GSN: variants seen among roughly 807,000 people sequenced by gnomAD.
GSN encodes the protein gelsolin.
A neutral mutation model predicts 85.7 loss-of-function variants in GSN; 56 were observed. That is an observed-to-expected ratio of 0.65 (90% CI 0.53 to 0.82). GSN has a LOEUF of 0.82. GSN is among the 40% of genes least tolerant of loss of function. The probability of loss-of-function intolerance (pLI) is 0.00; values close to 1 mark genes in which losing one functional copy is unlikely to be tolerated. For synonymous variants in GSN, 373 were observed against 399.1 expected (o/e 0.93, Z 0.78); for missense variants, 857 against 979.8 (o/e 0.87, Z 1.67).
chr9:121,229,087 T>C (rs964824762), intron 4 of GSN, among the ~76,000 whole-genome samples: 1 of 152,160 alleles, frequency 6.6e-6, no homozygotes, highest in African/African-American at 2.4e-5. Context: ...GCCTGATATA[T>C]CCTTTATAGC....
chr9:121,290,920 TC>T (rs1470880121), intron 2 of GSN, among the ~76,000 whole-genome samples: 1 of 152,094 alleles, frequency 6.6e-6, no homozygotes, highest in Non-Finnish European at 1.5e-5. Context: ...CAAGTGATCC[TC>T]CCTCCTCAGC....
At chr9:121,328,335 C>T (rs1015016837) in intron 14 of GSN, among the ~76,000 whole-genome samples, 12 of 152,296 alleles carry the variant, frequency 7.9e-5, no homozygotes, top group East Asian at 7.7e-4. Flanking sequence ...CTGTATCTGC[C>T]GAGTCCAATT....
At chr9:121,282,595 G>T (rs1308422942) in intron 2 of GSN, 1 of 1,026,804 alleles carries the variant, frequency 9.7e-7, no homozygotes, top group Non-Finnish European at 1.3e-6. Context: ...TGCCCCAAAA[G>T]CCAGGGATTC....
intron 4 of GSN, among the ~76,000 whole-genome samples, chr9:121,218,281 ACATGCTG>A (rs2054104253): frequency 6.6e-6 from 1 of 152,216 alleles, no homozygotes; most frequent in African/African-American, 2.4e-5. Flanking sequence ...TTTTGGGTGC[ACATGCTG>A]TGGTGGACCA....
At chr9:121,287,150 A>G (rs775586170) in intron 2 of GSN, among the ~76,000 whole-genome samples, 1 of 152,032 alleles carries the variant, frequency 6.6e-6, no homozygotes, top group Non-Finnish European at 1.5e-5. Context: ...CAGATCAGGG[A>G]AAGCTTTGTT....
rs1350590986 is a variant in GSN, at chr9:121,241,520, G to A, written c.-388-6756G>A. ...GGGGCAGGTAATGTAACCTCTTCGG[G>A]CCTTAGTTTTTTCTCTTGTGAAGAG... On this transcript the variant is annotated intron_variant, in intron 5 of 24. Transcript: ENST00000373823. Among the ~76,000 whole-genome samples, 4 of 152,298 alleles carry A rather than the reference G, an allele frequency of 2.6e-5. No homozygotes were observed. In the East Asian group the frequency reaches 7.7e-4, roughly 29 times the overall value.
chr9:121,208,012 C>T (rs189306763), intron 1 of GSN: 10 of 151,812 alleles, frequency 6.6e-5, no homozygotes, highest in African/African-American at 2.4e-4. Context: ...GTCTTGAACT[C>T]TTGAGCTCAA....
intron 2 of GSN, among the ~76,000 whole-genome samples, chr9:121,291,312 T>C (rs1346709062): frequency 6.6e-6 from 1 of 152,036 alleles, no homozygotes; most frequent in East Asian, 1.9e-4. Flanking sequence ...TATATATTGG[T>C]GTACAGCATC....
Position 121,318,638 on chromosome 9 carries a change from TC to T in GSN, c.976-25del. On this transcript the variant is annotated intron_variant, in intron 9 of 17. Transcript: ENST00000432226. The surrounding 1 kb of genome is among the most constrained non-coding windows in gnomAD (Gnocchi z 4.3). Reference sequence around the variant, plus strand: ...ACCCCTGCTGGGCAGCCCAGCCACATCCTGCTCCTCTGCCTCCCCTCCCCAG... The same window carrying T: ...ACCCCTGCTGGGCAGCCCAGCCACATCTGCTCCTCTGCCTCCCCTCCCCAG... 1 of 1,577,078 alleles carries T rather than the reference TC, an allele frequency of 6.3e-7. No homozygotes were observed. Among genetic ancestry groups the T allele is most frequent in the Non-Finnish European group, 8.7e-7 (1 of 1,146,390 alleles).
At chr9:121,297,598 G>A (rs1682280210) in intron 2 of GSN, among the ~76,000 whole-genome samples, 1 of 152,182 alleles carries the variant, frequency 6.6e-6, no homozygotes, top group Non-Finnish European at 1.5e-5. Flanking sequence ...AAAAGGAGAA[G>A]AGGAGATATA....
intron 4 of GSN, among the ~76,000 whole-genome samples, chr9:121,307,191 G>T (rs113145613): frequency 6.6e-6 from 1 of 151,808 alleles, no homozygotes; most frequent in Non-Finnish European, 1.5e-5. Context: ...AAAAAAAAAA[G>T]AATTATTTTA....
At chr9:121,238,843 C>T (rs1365193820) in intron 5 of GSN, 1 of 530,316 alleles carries the variant, frequency 1.9e-6, no homozygotes. Flanking sequence ...TCTCCAACTA[C>T]AGCAATCATG....
intron 1 of GSN, among the ~76,000 whole-genome samples, chr9:121,273,967 A>T (rs10985198): frequency 0.036 from 5,491 of 152,282 alleles, 297 homozygotes; most frequent in Admixed American, 0.14. Flanking sequence ...TAATGTTTAT[A>T]ATCTTGGGTA....
chr9:121,294,799 C>T (rs752205693), intron 2 of GSN, among the ~76,000 whole-genome samples: 1 of 152,206 alleles, frequency 6.6e-6, no homozygotes, highest in Non-Finnish European at 1.5e-5. Context: ...CTTTGTGACC[C>T]TGAAAAGTCA....
chr9:121,235,175 C>T (rs371329672), intron 5 of GSN, among the ~76,000 whole-genome samples: 44 of 152,288 alleles, frequency 2.9e-4, no homozygotes, highest in African/African-American at 9.9e-4. Flanking sequence ...TTAGCAATCT[C>T]GCACCCATGG....
rs1247472167 is a variant in GSN, at chr9:121,324,615, G to T, written c.1387G>T (p.Asp463Tyr). 6.5e-7 allele frequency: 1 copy of T among 1,544,376 alleles called. No individual in the cohort carries two copies. Reference sequence around the variant, plus strand: ...ATCTGCCATCCTGACTGCTCAGCTGGATGAGGAGCTGGGAGGTACCCCTGT... The same window carrying T: ...ATCTGCCATCCTGACTGCTCAGCTGTATGAGGAGCTGGGAGGTACCCCTGT... ...AASAILTAQLDEELGGTPVQS... is the reference protein window; with the variant it reads ...AASAILTAQLYEELGGTPVQS... The change falls in exon 12 of 18, where the codon GAT becomes TAT. Residue 463 changes from aspartate to tyrosine, a missense_variant. Transcript: ENST00000432226.
intron 1 of GSN, among the ~76,000 whole-genome samples, chr9:121,278,535 CGGGCG>C (rs1256593300): frequency 6.6e-6 from 1 of 152,190 alleles, no homozygotes; most frequent in African/African-American, 2.4e-5. Context: ...AGACTTTCAT[CGGGCG>C]AGCTCTCTCC....
At chr9:121,282,762 A>G (rs2057545666) in intron 2 of GSN, 3 of 406,286 alleles carry the variant, frequency 7.4e-6, no homozygotes, top group South Asian at 1.4e-4. Flanking sequence ...GAGCCCTGAT[A>G]ACTCCAAAAG....
intron 14 of GSN, among the ~76,000 whole-genome samples, chr9:121,328,610 G>C (rs2063516101): frequency 6.6e-6 from 1 of 152,168 alleles, no homozygotes; most frequent in Non-Finnish European, 1.5e-5. Flanking sequence ...CATTAGCTGA[G>C]TGGAGCTAAT....
Sources: gnomAD v4.1 joint callset for allele counts (sites outside exome capture counted in the v4.1 genomes callset) on GRCh38, gnomAD v4.1.1 for gene constraint, Gnocchi (gnomAD v3.1) non-coding constraint, MANE v1.5 for transcripts, NCBI Gene and HGNC (gene_info 2026-07-23, HGNC 2026-07-21) for gene names.